The following NCAM1 variants were observed in gnomAD, a reference collection of about 807,000 sequenced individuals.
The protein encoded by NCAM1 is antigen recognized by monoclonal antibody 5.1H11.
Under a neutral mutation model 109.8 loss-of-function variants are expected in NCAM1, and 14 were observed. The observed-to-expected ratio is 0.13, with a 90% CI of 0.08 to 0.20. NCAM1 has a LOEUF of 0.20. Among genes scored for constraint, NCAM1 ranks in the 10% least tolerant of loss-of-function variants. The probability of loss-of-function intolerance (pLI) is 1.00; values close to 1 mark genes in which losing one functional copy is unlikely to be tolerated. For missense variants in NCAM1, 774 were observed against 1,109.9 expected (o/e 0.70, Z 4.30); for synonymous variants, 418 against 442.9 (o/e 0.94, Z 0.70).
At chr11:113,031,894 A>C (rs1353392146) in intron 1 of NCAM1, among the ~76,000 whole-genome samples, 1 of 152,142 alleles carries the variant, frequency 6.6e-6, no homozygotes, top group East Asian at 1.9e-4. Flanking sequence ...GAATCTGCAA[A>C]TAATGAGGAA....
intron 1 of NCAM1, among the ~76,000 whole-genome samples, chr11:112,989,090 C>T (rs544641157): frequency 5.3e-5 from 8 of 152,212 alleles, no homozygotes; most frequent in African/African-American, 1.7e-4. Flanking sequence ...GAATGTTCTT[C>T]TTTGGATTGA....
At chr11:113,111,919 T>C (rs1363678823) in intron 1 of NCAM1, among the ~76,000 whole-genome samples, 1 of 152,228 alleles carries the variant, frequency 6.6e-6, no homozygotes, top group African/African-American at 2.4e-5. Flanking sequence ...AATTAGCTGT[T>C]GTCTGGATTT....
At chr11:113,056,729 C>T (rs1953726580) in intron 1 of NCAM1, among the ~76,000 whole-genome samples, 1 of 152,140 alleles carries the variant, frequency 6.6e-6, no homozygotes, top group Non-Finnish European at 1.5e-5. Context: ...GACTACAGCC[C>T]TGGCCAACAC....
intron 2 of NCAM1, among the ~76,000 whole-genome samples, chr11:113,203,510 C>T (rs782711145): frequency 2.0e-5 from 3 of 152,234 alleles, no homozygotes; most frequent in Non-Finnish European, 4.4e-5. Flanking sequence ...GGCGCCGCCA[C>T]ATCCGCCGGA....
chr11:113,200,743 A>T (rs1944026722), intron 1 of NCAM1, among the ~76,000 whole-genome samples: 1 of 152,146 alleles, frequency 6.6e-6, no homozygotes, highest in Non-Finnish European at 1.5e-5. Flanking sequence ...AAGCACCCAC[A>T]GATAATCACA....
At chr11:113,112,991 G>A (rs1251253818) in intron 1 of NCAM1, among the ~76,000 whole-genome samples, 9 of 152,022 alleles carry the variant, frequency 5.9e-5, no homozygotes, top group Admixed American at 5.9e-4. Flanking sequence ...AATTAGACAG[G>A]CATGGGGGTG....
chr11:113,233,619 A>G lies in NCAM1; in HGVS notation c.1693+302A>G, dbSNP rs1945077015. On this transcript the variant is annotated intron_variant, in intron 13 of 19. Coordinates refer to ENST00000316851, the MANE Select transcript of NCAM1 (RefSeq NM_181351.5). The surrounding 1 kb of genome is among the most constrained non-coding windows in gnomAD (Gnocchi z 4.5). ...TGAGTCCAGCCCATAGGTTCTGAGC[A>G]TGGCCAGATGAGTCTAATCCATCCT... 6.6e-6 allele frequency among the ~76,000 whole-genome samples: 1 copy of G among 152,180 alleles called. No individual in the cohort carries two copies. Among genetic ancestry groups the G allele is most frequent in the South Asian group, 2.1e-4 (1 of 4,828 alleles).
intron 1 of NCAM1, among the ~76,000 whole-genome samples, chr11:113,011,140 G>A (rs1185958163): frequency 8.1e-6 from 1 of 124,214 alleles, no homozygotes; most frequent in Admixed American, 1.0e-4. Flanking sequence ...AGTCCCCAGA[G>A]TGTGATATTC....
chr11:113,066,159 G>A (rs1034037052), intron 1 of NCAM1, among the ~76,000 whole-genome samples: 3 of 151,944 alleles, frequency 2.0e-5, no homozygotes, highest in African/African-American at 7.3e-5. Context: ...TTTTGTAAAA[G>A]GAAGTCGTAT....
intron 1 of NCAM1, among the ~76,000 whole-genome samples, chr11:113,094,708 A>T (rs534242110): frequency 6.6e-6 from 1 of 152,148 alleles, no homozygotes; most frequent in Non-Finnish European, 1.5e-5. Context: ...AGGCTCTACC[A>T]GTCCATGCTA....
chr11:113,181,805 T>C (rs1174698120), intron 1 of NCAM1, among the ~76,000 whole-genome samples: 1 of 152,188 alleles, frequency 6.6e-6, no homozygotes, highest in Non-Finnish European at 1.5e-5. Flanking sequence ...ATCTCTTTGA[T>C]TGACAGATAG....
At position 113,270,448 on chromosome 11, in the gene NCAM1, G is replaced by A. The variant is rs1040140399; in HGVS notation, c.2339+53G>A. ...AGGTTTGGGCTCTGCTCCAGCCCAG[G>A]GACCCAGCAGCTGCACCACCCTGCG... On this transcript the variant is annotated intron_variant, in intron 18 of 19. Transcript: ENST00000316851. The A allele has an allele frequency of 2.6e-5, 40 of 1,555,922 alleles. No homozygotes were observed. The Admixed American group carries it at 3.4e-4, about 13-fold the overall frequency.
intron 1 of NCAM1, among the ~76,000 whole-genome samples, chr11:113,146,306 A>G (rs986595828): frequency 6.6e-6 from 1 of 152,220 alleles, no homozygotes; most frequent in African/African-American, 2.4e-5. Context: ...AATGAGCAGA[A>G]TGGGTTGTTG....
intron 1 of NCAM1, among the ~76,000 whole-genome samples, chr11:113,038,050 G>C (rs782772718): frequency 6.6e-6 from 1 of 152,228 alleles, no homozygotes; most frequent in Non-Finnish European, 1.5e-5. Context: ...CTGACACCCA[G>C]TCCCGGGCTC....
chr11:113,201,069 A>G (rs1398426159), intron 1 of NCAM1, among the ~76,000 whole-genome samples: 1 of 151,466 alleles, frequency 6.6e-6, no homozygotes, highest in African/African-American at 2.4e-5. Flanking sequence ...TCCCTTTTCC[A>G]TCCCTGTCTC....
At chr11:113,027,085 C>T (rs1003252963) in intron 1 of NCAM1, among the ~76,000 whole-genome samples, 1 of 152,222 alleles carries the variant, frequency 6.6e-6, no homozygotes, top group Non-Finnish European at 1.5e-5. Flanking sequence ...GACCTGGGAT[C>T]ACCTTGAGAT....
Position 112,963,222 on chromosome 11 carries a change from C to A in NCAM1, c.52+1558C>A, listed in dbSNP as rs1046330147. The A allele has an allele frequency of 3.9e-5, 6 of 152,500 alleles. No individual in the cohort carries two copies. Among genetic ancestry groups the A allele is most frequent in the Non-Finnish European group, 8.8e-5 (6 of 68,276 alleles). The allele number at this position is 152,500 out of a possible 1,614,324, so 9.4% of individuals were successfully genotyped here. A position where few individuals can be genotyped will look rare whatever the true frequency, so the allele number is the denominator to read the frequency against. On this transcript the variant is annotated intron_variant, in intron 1 of 19. Coordinates refer to ENST00000316851, the MANE Select transcript of NCAM1 (RefSeq NM_181351.5). This position sits in a 1 kb window ranked among gnomAD's most constrained non-coding sequence, Gnocchi z 4.6. ...CTCGCTCACTCACCGCCAAGAGAAA[C>A]CCCGCCCTGCGGCCGGTCCCCCGCC...
In NCAM1 at chr11:113,165,001, G is replaced by C. The variant is rs150342644; in HGVS notation, c.53-37378G>C. ...AGGAAATTCTAAGAGAGTAGGAGCT[G>C]TATGTTGGCAACAGGGGTCAAAGAC... On this transcript the variant is annotated intron_variant, in intron 1 of 19. Coordinates refer to ENST00000316851, the MANE Select transcript of NCAM1 (RefSeq NM_181351.5). Among the ~76,000 whole-genome samples, 506 of 152,244 alleles carry C rather than the reference G, an allele frequency of 3.3e-3. 2 individuals carry two copies. Among genetic ancestry groups the C allele is most frequent in the African/African-American group, 0.011 (475 of 41,544 alleles).
At chr11:113,270,693 G>C (rs1452276581) in intron 18 of NCAM1, among the ~76,000 whole-genome samples, 3 of 152,182 alleles carry the variant, frequency 2.0e-5, no homozygotes, top group Admixed American at 1.3e-4. Flanking sequence ...AACTAAACCT[G>C]GGGAGGAGCT....
Sources: gnomAD v4.1 joint callset for allele counts (sites outside exome capture counted in the v4.1 genomes callset) on GRCh38, gnomAD v4.1.1 for gene constraint, Gnocchi (gnomAD v3.1) non-coding constraint, MANE v1.5 for transcripts, NCBI Gene and HGNC (gene_info 2026-07-23, HGNC 2026-07-21) for gene names.